MTMR9: variants seen among roughly 807,000 people sequenced by gnomAD.
MTMR9 encodes myotubularin-related protein 9.
A neutral mutation model predicts 69.5 loss-of-function variants in MTMR9; 39 were observed. The observed-to-expected ratio is 0.56, with a 90% CI of 0.43 to 0.73. The LOEUF (loss-of-function observed/expected upper bound fraction) is 0.73, where lower values mean the gene tolerates loss of function less well. Ranked by LOEUF, MTMR9 falls within the 30% of genes least tolerant of loss-of-function variation. The pLI, the probability that MTMR9 is intolerant of heterozygous loss-of-function variation, is 0.00. For missense variants in MTMR9, 900 were observed against 671.2 expected (o/e 1.34, Z -3.77); for synonymous variants, 354 against 240.8 (o/e 1.47, Z -4.35).
At chr8:11,297,844 C>G (rs1799613927) in intron 2 of MTMR9, 2 of 456,000 alleles carry the variant, frequency 4.4e-6, no homozygotes, top group Non-Finnish European at 8.8e-6. Flanking sequence ...GTTAAATGTT[C>G]TTACAGCGTA....
At chr8:11,337,995 CT>C in the MTMR9 span, among the ~76,000 whole-genome samples, 6 of 152,340 alleles carry the variant, frequency 3.9e-5, no homozygotes, top group African/African-American at 1.4e-4. Context: ...TTCACAGCAG[CT>C]TCAGGACTTG....
chr8:11,286,683 A>C (rs1453343640), intron 1 of MTMR9, among the ~76,000 whole-genome samples: 1 of 148,852 alleles, frequency 6.7e-6, no homozygotes, highest in Non-Finnish European at 1.5e-5. Context: ...AAAAAAAAAA[A>C]AAAAAAAAGT....
chr8:11,329,360 C>T (rs902504879), downstream of MTMR9, among the ~76,000 whole-genome samples: 2 of 152,240 alleles, frequency 1.3e-5, no homozygotes, highest in Non-Finnish European at 2.9e-5. Flanking sequence ...CCCTCTGATG[C>T]CGAGCCAAAG....
chr8:11,294,500 CTTTT>C (rs61227530), intron 1 of MTMR9, among the ~76,000 whole-genome samples: 1,479 of 105,848 alleles, frequency 0.014, 51 homozygotes, highest in African/African-American at 0.061. Context: ...AATACTTTCA[CTTTT>C]TTTTTTTTTT....
At chr8:11,316,261 T>C (rs1302658055) in intron 7 of MTMR9, 2 of 153,436 alleles carry the variant, frequency 1.3e-5, no homozygotes, top group Admixed American at 1.3e-4. Context: ...GCTTGTTTAG[T>C]GTACAGCACA....
chr8:11,316,708 A>T lies in MTMR9; in HGVS notation c.1149A>T (p.Ser383=). 6.2e-7 allele frequency: 1 copy of T among 1,612,892 alleles called. No individual in the cohort carries two copies. The highest frequency in any genetic ancestry group is 1.1e-5 in the South Asian group (1 of 90,926). Residue 383 remains serine (S), a synonymous_variant, in exon 8 of 10, where the codon TCA becomes TCT. Coordinates refer to ENST00000221086, the MANE Select transcript of MTMR9 (RefSeq NM_015458.4). Reference sequence around the variant, plus strand: ...CATTCCAGCAGCGCTGTGCACAGTCAGCCTACTGTAACACCAAGCAGAAGT... The same window carrying T: ...CATTCCAGCAGCGCTGTGCACAGTCTGCCTACTGTAACACCAAGCAGAAGT... The part of the protein sequence containing the change: ...GHPFQQRCAQ[S]AYCNTKQKWE...
intron 2 of MTMR9, among the ~76,000 whole-genome samples, chr8:11,296,403 T>G (rs796560065): frequency 2.4e-4 from 36 of 152,320 alleles, no homozygotes; most frequent in African/African-American, 8.7e-4. Context: ...AAAAAAATTG[T>G]GGTTAGAAAA....
intron 6 of MTMR9, among the ~76,000 whole-genome samples, chr8:11,314,010 C>T (rs1800309995): frequency 6.6e-6 from 1 of 152,174 alleles, no homozygotes; most frequent in Admixed American, 6.5e-5. Flanking sequence ...ACGAGCTATG[C>T]CTGCAACTGT....
At chr8:11,320,133 A>G (rs1453263335) in intron 9 of MTMR9, 2 of 260,116 alleles carry the variant, frequency 7.7e-6, no homozygotes, top group Non-Finnish European at 1.5e-5. Flanking sequence ...AGAGTTGGTA[A>G]GTAGTTGGGA....
chr8:11,310,278 C>T (rs1800143968), intron 6 of MTMR9, among the ~76,000 whole-genome samples: 1 of 152,110 alleles, frequency 6.6e-6, no homozygotes, highest in African/African-American at 2.4e-5. Flanking sequence ...AGTCTTGTGG[C>T]AGAAGACTTG....
At chr8:11,330,801 C>G, downstream of MTMR9, 2 of 466,484 alleles carry the variant, frequency 4.3e-6, no homozygotes, top group South Asian at 6.0e-5. Context: ...GGGTCCTCTG[C>G]CTAGGAAAAC....
intron 9 of MTMR9, chr8:11,321,571 A>C (rs1393202717): frequency 2.2e-6 from 1 of 452,446 alleles, no homozygotes; most frequent in Middle Eastern, 3.3e-4. Context: ...CCGGAGTTTC[A>C]GTGTGTGTTT....
chr8:11,305,936 T>A (rs1449948976), intron 4 of MTMR9, among the ~76,000 whole-genome samples: 1 of 152,204 alleles, frequency 6.6e-6, no homozygotes, highest in Non-Finnish European at 1.5e-5. Context: ...CAATATTTGA[T>A]CTTAAAGAGG....
rs139630635 is a variant in MTMR9 at position 11,315,027 on chromosome 8, G to A, written c.1076G>A (p.Arg359His). ...IILEPRSRTI[R>H]GFEALIEREW... ...TTAGAGCCAAGAAGCAGGACCATTCGTGGTTTTGAGGCCCTGATTGAAAGA... is the reference window on the plus strand; with the variant it reads ...TTAGAGCCAAGAAGCAGGACCATTCATGGTTTTGAGGCCCTGATTGAAAGA... The change falls in exon 7 of 10, where the codon CGT becomes CAT. Residue 359 changes from arginine to histidine, a missense_variant. Arg to His is a conservative substitution (Grantham distance 29). Coordinates refer to ENST00000221086, the MANE Select transcript of MTMR9 (RefSeq NM_015458.4). 7.9e-5 allele frequency: 128 copies of A among 1,613,870 alleles called. No individual in the cohort carries two copies. Among genetic ancestry groups the A allele is most frequent in the Non-Finnish European group, 9.6e-5 (113 of 1,179,806 alleles).
At chr8:11,299,820 C>T (rs1182363181) in intron 2 of MTMR9, among the ~76,000 whole-genome samples, 1 of 97,740 alleles carries the variant, frequency 1.0e-5, no homozygotes, top group Non-Finnish European at 2.1e-5. Flanking sequence ...TGTTATGTGG[C>T]AGATGCCTTT....
downstream of MTMR9, chr8:11,331,901 C>A (rs764828042): frequency 3.1e-6 from 5 of 1,612,040 alleles, no homozygotes; most frequent in Admixed American, 6.7e-5. Context: ...TCGCCTTGGT[C>A]TCCTTCACAT....
At chr8:11,318,408 T>C (rs1387077445) in intron 8 of MTMR9, 1 of 152,242 alleles carries the variant, frequency 6.6e-6, no homozygotes, top group Non-Finnish European at 1.5e-5. Flanking sequence ...CAATGCCACA[T>C]AGGCTCTATG....
Position 11,316,776 on chromosome 8 carries a change from A to C in MTMR9, c.1217A>C (p.Gln406Pro), listed in dbSNP as rs1320784981. Reference protein sequence around the residue: ...VFLLFLDCVWQILRQFPCSFE... With the variant: ...VFLLFLDCVWPILRQFPCSFE... ...CTTCTCTTCTTGGACTGCGTGTGGC[A>C]GATCCTTCGTCAGTTTCCCTGTTCT... Residue 406 changes from glutamine (Q) to proline (P), a missense_variant, in exon 8 of 10, where the codon CAG becomes CCG. Physicochemically the swap from Gln to Pro is moderately conservative, Grantham distance 76. Transcript: ENST00000221086. 1.2e-6 allele frequency: 2 copies of C among 1,613,940 alleles called. No homozygotes were observed. The highest frequency in any genetic ancestry group is 1.7e-5 in the Admixed American group (1 of 59,990).
Position 11,300,146 on chromosome 8 carries a change from G to T in MTMR9, c.415G>T (p.Ala139Ser), listed in dbSNP as rs141468146. The T allele has an allele frequency of 6.2e-7, 1 of 1,612,644 alleles. No homozygotes were observed. Among genetic ancestry groups the T allele is most frequent in the Non-Finnish European group, 8.5e-7 (1 of 1,179,046 alleles). The stretch of plus-strand genomic sequence containing the variant: ...GCAAGAATTTGAACTCTATTCTTCA[G>T]CTGTGAGTTAACTTTTGAGAACTGT... ...PEQEFELYSSATSEWRLSYVN... is the reference protein window; with the variant it reads ...PEQEFELYSSSTSEWRLSYVN... Residue 139 changes from alanine to serine, a missense_variant and splice_region_variant, in exon 3 of 10, where the codon GCT becomes TCT. Physicochemically the swap from Ala to Ser is moderately conservative, Grantham distance 99. Coordinates refer to ENST00000221086, the MANE Select transcript of MTMR9 (RefSeq NM_015458.4).
Sources: allele counts gnomAD v4.1 joint callset (sites outside exome capture counted in the v4.1 genomes callset), GRCh38; gene constraint gnomAD v4.1.1; transcripts MANE v1.5; gene names NCBI Gene and HGNC (gene_info 2026-07-23, HGNC 2026-07-21).